The following MSH3 variants were observed in gnomAD, a reference collection of about 807,000 sequenced individuals.
MSH3 encodes DNA mismatch repair protein Msh3.
A neutral mutation model predicts 123.3 loss-of-function variants in MSH3; 106 were observed. The ratio of observed to expected loss-of-function variants is 0.86; its 90% CI spans 0.73 to 1.01. The LOEUF (loss-of-function observed/expected upper bound fraction) is 1.01. Ranked by LOEUF, MSH3 falls within the 50% of genes least tolerant of loss-of-function variation. The pLI, the probability that MSH3 is intolerant of heterozygous loss-of-function variation, is 0.00. For synonymous variants in MSH3, 515 were observed against 481.4 expected, an observed-to-expected ratio of 1.07 and a Z score of -0.91; for missense variants, 1,459 against 1,347.6, an observed-to-expected ratio of 1.08 and a Z score of -1.29.
chr5:80,771,339 C>T (rs1027197844), intron 15 of MSH3, among the ~76,000 whole-genome samples: 16 of 152,090 alleles, frequency 1.1e-4, no homozygotes, highest in African/African-American at 3.9e-4. Context: ...ATTAGCCAGG[C>T]ATAGTGGAAT....
chr5:80,750,916 G>A (rs1440651551), intron 12 of MSH3, among the ~76,000 whole-genome samples: 1 of 152,076 alleles, frequency 6.6e-6, no homozygotes, highest in Non-Finnish European at 1.5e-5. Context: ...AACTTAAAAC[G>A]TTGTGTTAAT....
At chr5:80,819,354 G>C (rs183421178) in intron 20 of MSH3, among the ~76,000 whole-genome samples, 2 of 132,026 alleles carry the variant, frequency 1.5e-5, no homozygotes, top group African/African-American at 6.1e-5. Context: ...GTATATATAT[G>C]TATATATATG....
In MSH3 at chr5:80,854,150, TA is replaced by T. The variant is rs767188723; in HGVS notation, c.2835del (p.Tyr946IlefsTer11). The T allele has an allele frequency of 4.3e-6, 7 of 1,613,612 alleles. No individual in the cohort carries two copies. Among genetic ancestry groups the T allele is most frequent in the Non-Finnish European group, 5.9e-6 (7 of 1,179,694 alleles). On this transcript the variant is annotated frameshift_variant, in exon 21 of 24. Coordinates refer to ENST00000265081, the MANE Select transcript of MSH3 (RefSeq NM_002439.5). LOFTEE classifies it high-confidence loss of function. ...TGTAGGATGGGTGCTGCAGACAATATATATAAAGGACAGAGTACATTTATGG... is the reference window on the plus strand; with the variant it reads ...TGTAGGATGGGTGCTGCAGACAATATTATAAAGGACAGAGTACATTTATGG... Reference protein sequence around the residue: ...IFTRMGAADNIYKGQSTFMEE... With the variant: ...IFTRMGAADNXYKGQSTFMEE...
Position 80,781,038 on chromosome 5 carries a change from A to C in MSH3, c.2435+2202A>C, listed in dbSNP as rs184918226. Among the ~76,000 whole-genome samples, 3 of 152,306 alleles carry C rather than the reference A, an allele frequency of 2.0e-5. No homozygotes were observed. The East Asian group carries it at 5.8e-4, about 29-fold the overall frequency. On this transcript the variant is annotated intron_variant, in intron 17 of 23. Transcript: ENST00000265081. ...CAGTCTTTTGCCCTGAGGAGTCTTGAATTGTAAGACCAGGAAGAGATTCCA... is the reference window on the plus strand; with the variant it reads ...CAGTCTTTTGCCCTGAGGAGTCTTGCATTGTAAGACCAGGAAGAGATTCCA...
At chr5:80,731,134 C>T (rs1743404942) in intron 10 of MSH3, among the ~76,000 whole-genome samples, 1 of 151,822 alleles carries the variant, frequency 6.6e-6, no homozygotes, top group Non-Finnish European at 1.5e-5. Context: ...AAACTCCTGG[C>T]CTCAAGTGAT....
In MSH3 at chr5:80,689,668, T is replaced by C. The variant is rs112549750; in HGVS notation, c.1340+10575T>C. Among the ~76,000 whole-genome samples, 1,217 of 151,452 alleles carry C rather than the reference T, an allele frequency of 8.0e-3. 19 individuals are homozygous for C. The highest frequency in any genetic ancestry group is 0.028 in the African/African-American group (1,159 of 41,384). Reference sequence around the variant, plus strand: ...TGATGTTCTGCTGCTAAAAATAAACTGTTCCTACCAGTTCAAGGGGATATA... The same window carrying C: ...TGATGTTCTGCTGCTAAAAATAAACCGTTCCTACCAGTTCAAGGGGATATA... On this transcript the variant is annotated intron_variant, in intron 8 of 23. Transcript: ENST00000265081.
At chr5:80,682,214 T>A (rs1049195411) in intron 8 of MSH3, among the ~76,000 whole-genome samples, 2 of 152,120 alleles carry the variant, frequency 1.3e-5, no homozygotes, top group African/African-American at 2.4e-5. Context: ...GACTCAGGGT[T>A]TGAGTTGGAA....
chr5:80,792,317 T>C (rs1010663061), intron 18 of MSH3, among the ~76,000 whole-genome samples: 5 of 151,992 alleles, frequency 3.3e-5, no homozygotes, highest in African/African-American at 1.2e-4. Context: ...AGAGGATCAC[T>C]TGAGCCTAGG....
intron 10 of MSH3, among the ~76,000 whole-genome samples, chr5:80,729,278 G>C (rs1421000215): frequency 6.6e-6 from 1 of 151,752 alleles, no homozygotes; most frequent in Non-Finnish European, 1.5e-5. Flanking sequence ...AGCCGGGCGT[G>C]GTGGTGGGCG....
chr5:80,727,208 G>C (rs1473526444), intron 9 of MSH3, among the ~76,000 whole-genome samples: 1 of 152,170 alleles, frequency 6.6e-6, no homozygotes, highest in Non-Finnish European at 1.5e-5. Context: ...TTTTACCACA[G>C]GCAGTGCTAC....
At chr5:80,672,962 T>C (rs1749756470) in intron 6 of MSH3, 104 bp downstream of exon 6, 1 of 885,578 alleles carries the variant, frequency 1.1e-6, no homozygotes, top group Non-Finnish European at 1.9e-6. Context: ...TTGGGAACTT[T>C]TTAGATGAGC....
chr5:80,711,416 G>A (rs1273364918), intron 8 of MSH3, among the ~76,000 whole-genome samples: 1 of 152,154 alleles, frequency 6.6e-6, no homozygotes, highest in Non-Finnish European at 1.5e-5. Context: ...CTGTTGGTAA[G>A]GAGGGGTTTT....
chr5:80,831,437 T>G (rs1745415499), intron 20 of MSH3, among the ~76,000 whole-genome samples: 1 of 152,186 alleles, frequency 6.6e-6, no homozygotes, highest in African/African-American at 2.4e-5. Flanking sequence ...TCATTTGTAA[T>G]TTCATTCCAT....
rs568775395 is a variant in MSH3 at position 80,710,956 on chromosome 5, A to G, written c.1341-14497A>G. On this transcript the variant is annotated intron_variant, in intron 8 of 23. Coordinates refer to ENST00000265081, the MANE Select transcript of MSH3 (RefSeq NM_002439.5). ...TGATCCTCTTAGTGTTTTTAACCTC[A>G]TTGCAGACAGAAGTACTTTCCCATC... is the stretch of plus-strand genomic sequence containing the variant. Among the ~76,000 whole-genome samples, 7 of 152,240 alleles carry G rather than the reference A, an allele frequency of 4.6e-5. No individual in the cohort carries two copies. The East Asian group carries it at 1.2e-3, about 25-fold the overall frequency.
intron 3 of MSH3, among the ~76,000 whole-genome samples, chr5:80,668,049 G>A (rs964805804): frequency 3.3e-5 from 5 of 152,196 alleles, no homozygotes; most frequent in Non-Finnish European, 1.5e-5. Flanking sequence ...GAACATTGAG[G>A]GGAGACCCGC....
chr5:80,873,279 T>A lies in MSH3; in HGVS notation c.3294T>A (p.Asn1098Lys), dbSNP rs745524865. 1 of 1,613,742 alleles carries A rather than the reference T, an allele frequency of 6.2e-7. No homozygotes were observed. Among genetic ancestry groups the A allele is most frequent in the Non-Finnish European group, 8.5e-7 (1 of 1,179,890 alleles). Residue 1098 changes from asparagine to lysine, a missense_variant, in exon 23 of 24, where the codon AAT becomes AAA. By Grantham distance (94) the Asn-to-Lys change is moderately conservative. Coordinates refer to ENST00000265081, the MANE Select transcript of MSH3 (RefSeq NM_002439.5). ...CAAAAGAGCTGGAAGGATTAATAAA[T>A]ACGAAAAGGTCAGAGTGATTATGCT... is the stretch of plus-strand genomic sequence containing the variant. ...HKSKELEGLI[N>K]TKRKRLKYFA...
intron 20 of MSH3, among the ~76,000 whole-genome samples, chr5:80,825,137 T>C (rs1745272183): frequency 6.6e-6 from 1 of 152,188 alleles, no homozygotes; most frequent in Non-Finnish European, 1.5e-5. Context: ...TAATCCTCCA[T>C]GCACCTTCTA....
intron 12 of MSH3, among the ~76,000 whole-genome samples, chr5:80,750,235 A>G (rs748062405): frequency 1.3e-5 from 2 of 152,084 alleles, no homozygotes; most frequent in African/African-American, 2.4e-5. Context: ...ACTGATTTCA[A>G]TTCCTTTGGA....
chr5:80,676,155 C>T (rs1580554714), intron 7 of MSH3, among the ~76,000 whole-genome samples: 1 of 152,146 alleles, frequency 6.6e-6, no homozygotes, highest in Non-Finnish European at 1.5e-5. Context: ...CTCAGCCTCC[C>T]GAGTAGCTGG....
Sources: allele counts gnomAD v4.1 joint callset (sites outside exome capture counted in the v4.1 genomes callset), GRCh38; gene constraint gnomAD v4.1.1; transcripts MANE v1.5; gene names NCBI Gene and HGNC (gene_info 2026-07-23, HGNC 2026-07-21).